FREM2: variants seen among roughly 807,000 people sequenced by gnomAD.
FREM2 encodes FRAS1-related extracellular matrix protein 2.
A neutral mutation model predicts 219.9 loss-of-function variants in FREM2; 119 were observed. The ratio of observed to expected loss-of-function variants is 0.54; its 90% CI spans 0.47 to 0.63. The LOEUF (loss-of-function observed/expected upper bound fraction) is 0.63, where lower values mean the gene tolerates loss of function less well. Ranked by LOEUF, FREM2 falls within the 30% of genes least tolerant of loss-of-function variation. FREM2 has a pLI of 0.00. For synonymous variants in FREM2, 1,562 were observed against 1,522.8 expected (o/e 1.03, Z -0.60); for missense variants, 4,030 against 3,993.6 (o/e 1.01, Z -0.25).
chr13:38,747,421 G>GTGTGTT (rs1872530902), intron 2 of FREM2, among the ~76,000 whole-genome samples: 1 of 151,468 alleles, frequency 6.6e-6, no homozygotes, highest in Non-Finnish European at 1.5e-5. Flanking sequence ...GTGTGTGTGT[G>GTGTGTT]TGTGTGTATT....
chr13:38,781,062 A>G (rs975232996), intron 4 of FREM2, among the ~76,000 whole-genome samples: 2 of 152,148 alleles, frequency 1.3e-5, no homozygotes, highest in African/African-American at 4.8e-5. Context: ...AGTAAAAACC[A>G]AAGGTCTTCC....
chr13:38,791,976 T>A (rs145439371), intron 6 of FREM2, among the ~76,000 whole-genome samples: 83 of 152,350 alleles, frequency 5.4e-4, no homozygotes, highest in African/African-American at 2.0e-3. Context: ...TGGGAAGTCC[T>A]TATTGTTTGT....
chr13:38,721,919 T>C (rs1319608516), intron 2 of FREM2, among the ~76,000 whole-genome samples: 1 of 152,206 alleles, frequency 6.6e-6, no homozygotes, highest in Non-Finnish European at 1.5e-5. Flanking sequence ...GAATAAGTTA[T>C]CAGCTCTGGT....
intron 3 of FREM2, among the ~76,000 whole-genome samples, chr13:38,767,363 T>C (rs567697481): frequency 6.6e-6 from 1 of 152,354 alleles, no homozygotes; most frequent in Admixed American, 6.5e-5. Flanking sequence ...TGCAACTCAT[T>C]TAATATCAGA....
chr13:38,885,974 C>T lies in FREM2; in HGVS notation c.*5187C>T, dbSNP rs556158747. On this transcript the variant is annotated 3_prime_UTR_variant, in exon 24 of 24. Transcript: ENST00000280481. ...TTTTTAAAATTATAATTATCAAATGCACAATGTTCTTTTACTATGCCAAAT... is the reference window on the plus strand; with the variant it reads ...TTTTTAAAATTATAATTATCAAATGTACAATGTTCTTTTACTATGCCAAAT... The T allele has an allele frequency of 6.6e-6, 1 of 152,082 alleles. No individual in the cohort carries two copies. Among genetic ancestry groups the T allele is most frequent in the Non-Finnish European group, 1.5e-5 (1 of 68,002 alleles). The allele number at this position is 152,082 out of a possible 1,614,324, so 9.4% of individuals were successfully genotyped here. A position where few individuals can be genotyped will look rare whatever the true frequency, so the allele number is the denominator to read the frequency against.
intron 2 of FREM2, among the ~76,000 whole-genome samples, chr13:38,739,509 C>A (rs1168857459): frequency 1.3e-5 from 2 of 152,170 alleles, no homozygotes; most frequent in African/African-American, 4.8e-5. Context: ...GAAACCAAAT[C>A]ATTACACCTA....
At chr13:38,754,137 G>C (rs1342642928) in intron 2 of FREM2, among the ~76,000 whole-genome samples, 1 of 152,028 alleles carries the variant, frequency 6.6e-6, no homozygotes, top group African/African-American at 2.4e-5. Context: ...TTTCCTTCTA[G>C]CTTCCCTGGA....
chr13:38,713,731 C>T (rs568466230), intron 2 of FREM2, among the ~76,000 whole-genome samples: 1 of 152,296 alleles, frequency 6.6e-6, no homozygotes, highest in African/African-American at 2.4e-5. Context: ...TTTAAAGCAC[C>T]ACTCATACAC....
Position 38,877,149 on chromosome 13 carries a change from G to C in FREM2, c.8577G>C (p.Leu2859Phe). The C allele has an allele frequency of 6.2e-7, 1 of 1,614,094 alleles. No individual in the cohort carries two copies. The highest frequency in any genetic ancestry group is 8.5e-7 in the Non-Finnish European group (1 of 1,179,982). ...VSDPVAAEFSLNTQMYLLSKK... is the reference protein window; with the variant it reads ...VSDPVAAEFSFNTQMYLLSKK... ...ATCCAGTGGCTGCTGAGTTTAGCTTGAACACCCAAATGTACCTGCTCTCTA... is the reference window on the plus strand; with the variant it reads ...ATCCAGTGGCTGCTGAGTTTAGCTTCAACACCCAAATGTACCTGCTCTCTA... The change falls in exon 21 of 24, where the codon TTG (leucine) becomes TTC (phenylalanine). Residue 2859 changes from leucine to phenylalanine, a missense_variant. Leu to Phe is a conservative substitution (Grantham distance 22). Transcript: ENST00000280481.
In FREM2 at chr13:38,784,653, A is replaced by G. The variant is rs776095259; in HGVS notation, c.5864A>G (p.Asp1955Gly). 1 of 1,614,192 alleles carries G rather than the reference A, an allele frequency of 6.2e-7. No individual in the cohort carries two copies. The highest frequency in any genetic ancestry group is 1.1e-5 in the South Asian group (1 of 91,090). The stretch of plus-strand genomic sequence containing the variant: ...ACCAGTGTTGTCCGCTTTGACAAAG[A>G]TGAACGGGAGAAACTGTGTCGGATA... ...DHTSVVRFDK[D>G]EREKLCRIVI... Residue 1955 changes from aspartate to glycine, a missense_variant, in exon 6 of 24, where the codon GAT becomes GGT. Transcript: ENST00000280481.
At chr13:38,712,591 T>TTTTC (rs966719681) in intron 2 of FREM2, among the ~76,000 whole-genome samples, 25 of 151,960 alleles carry the variant, frequency 1.6e-4, no homozygotes, top group African/African-American at 3.1e-4. Context: ...TACATACACA[T>TTTTC]TTTCTTTCTT....
chr13:38,866,491 C>CT (rs1042989696), intron 16 of FREM2, among the ~76,000 whole-genome samples: 6 of 151,248 alleles, frequency 4.0e-5, no homozygotes, highest in African/African-American at 1.5e-4. Flanking sequence ...GAGCGAGACT[C>CT]TGTCAAAAAA....
At chr13:38,790,321 C>G (rs1874510462) in intron 6 of FREM2, among the ~76,000 whole-genome samples, 1 of 152,100 alleles carries the variant, frequency 6.6e-6, no homozygotes, top group Admixed American at 6.6e-5. Context: ...AAATGCAACC[C>G]ACTCAGGACA....
At chr13:38,743,705 C>G (rs187341666) in intron 2 of FREM2, among the ~76,000 whole-genome samples, 449 of 152,232 alleles carry the variant, frequency 2.9e-3, no homozygotes, top group African/African-American at 0.01. Flanking sequence ...GTGCCCCACC[C>G]CTAAACCACT....
chr13:38,780,318 C>T (rs145404039), intron 4 of FREM2, among the ~76,000 whole-genome samples: 1 of 152,176 alleles, frequency 6.6e-6, no homozygotes, highest in Non-Finnish European at 1.5e-5. Flanking sequence ...ATCCTTTATT[C>T]TTCTGTTTCT....
At chr13:38,730,501 C>A (rs1871721031) in intron 2 of FREM2, among the ~76,000 whole-genome samples, 1 of 152,168 alleles carries the variant, frequency 6.6e-6, no homozygotes, top group African/African-American at 2.4e-5. Context: ...CAGTGTGAAT[C>A]AGTGTCCCAT....
In FREM2 at chr13:38,687,246, G is replaced by A; in HGVS notation, c.-99G>A. The A allele has an allele frequency of 6.7e-7, 1 of 1,498,478 alleles. No homozygotes were observed. Among genetic ancestry groups the A allele is most frequent in the Non-Finnish European group, 9.1e-7 (1 of 1,102,158 alleles). 92.8% of individuals were successfully genotyped at this position (1,498,478 alleles called of 1,614,324 possible). A position where few individuals can be genotyped will look rare whatever the true frequency, so the allele number is the denominator to read the frequency against. On this transcript the variant is annotated 5_prime_UTR_variant, in exon 1 of 24. Transcript: ENST00000280481. ...CAGGAGGACCCCGCGGGCAACGCGC[G>A]GAGTTCCTGGCACTTCCCGGCGGTG... is the stretch of plus-strand genomic sequence containing the variant.
intron 6 of FREM2, among the ~76,000 whole-genome samples, chr13:38,792,367 A>C (rs1401376993): frequency 6.6e-6 from 1 of 152,150 alleles, no homozygotes; most frequent in Non-Finnish European, 1.5e-5. Context: ...ATTTTAAAAA[A>C]GTCCCTTCAA....
At chr13:38,815,511 T>C (rs1875729699) in intron 6 of FREM2, among the ~76,000 whole-genome samples, 1 of 152,160 alleles carries the variant, frequency 6.6e-6, no homozygotes, top group Non-Finnish European at 1.5e-5. Context: ...ACAAGAGACA[T>C]TACAACTGAT....
Sources: allele counts gnomAD v4.1 joint callset (sites outside exome capture counted in the v4.1 genomes callset), GRCh38; gene constraint gnomAD v4.1.1; transcripts MANE v1.5; gene names NCBI Gene and HGNC (gene_info 2026-07-23, HGNC 2026-07-21).